KHDRBS2: variants seen among roughly 807,000 people sequenced by gnomAD.
KHDRBS2 encodes the protein KH RNA binding domain containing, signal transduction associated 2, also known as KH domain-containing, RNA-binding, signal transduction-associated protein 2.
Under a neutral mutation model 44.3 loss-of-function variants are expected in KHDRBS2, and 26 were observed. The observed-to-expected ratio is 0.59, with a 90% CI of 0.43 to 0.81. KHDRBS2 has a LOEUF of 0.81. Among genes scored for constraint, KHDRBS2 ranks in the 40% least tolerant of loss-of-function variants. The pLI is 0.00. For synonymous variants in KHDRBS2, 194 were observed against 151.1 expected (o/e 1.28, Z -2.08); for missense variants, 476 against 433.1 (o/e 1.10, Z -0.88).
intron 2 of KHDRBS2, among the ~76,000 whole-genome samples, chr6:62,093,970 T>C (rs911149694): frequency 1.3e-5 from 2 of 151,758 alleles, no homozygotes; most frequent in Non-Finnish European, 2.9e-5. Flanking sequence ...TTATTGTCAA[T>C]AGTGCTGCAA....
At chr6:61,543,784 A>G in the KHDRBS2 span, among the ~76,000 whole-genome samples, 1 of 152,112 alleles carries the variant, frequency 6.6e-6, no homozygotes, top group South Asian at 2.1e-4. Context: ...AAAGCATGAG[A>G]TCTTGTCGTT....
chr6:61,681,744 C>G (rs1453393960), intron 8 of KHDRBS2, among the ~76,000 whole-genome samples: 1 of 151,828 alleles, frequency 6.6e-6, no homozygotes, highest in Non-Finnish European at 1.5e-5. Flanking sequence ...TGGCTAGGTT[C>G]CAAAACATTG....
intron 6 of KHDRBS2, among the ~76,000 whole-genome samples, chr6:61,779,658 T>C (rs1782628538): frequency 9.4e-6 from 1 of 106,172 alleles, no homozygotes; most frequent in South Asian, 3.5e-4. Flanking sequence ...AATATGGCAC[T>C]GCAGAAATGA....
At chr6:61,817,600 G>T (rs370041268) in intron 6 of KHDRBS2, among the ~76,000 whole-genome samples, 26 of 152,180 alleles carry the variant, frequency 1.7e-4, no homozygotes, top group African/African-American at 5.1e-4. Context: ...ATTTTGGAGA[G>T]AATTTTTAGT....
chr6:61,958,266 A>G, intron 4 of KHDRBS2, among the ~76,000 whole-genome samples: 1 of 152,126 alleles, frequency 6.6e-6, no homozygotes, highest in East Asian at 1.9e-4. Context: ...TTTGCAGTCC[A>G]GTTAGTACAT....
At chr6:61,624,890 G>A in the KHDRBS2 span, among the ~76,000 whole-genome samples, 7 of 152,076 alleles carry the variant, frequency 4.6e-5, no homozygotes, top group African/African-American at 7.2e-5. Flanking sequence ...TCTGCAAAAG[G>A]GGCAAACTCT....
At chr6:62,113,003 A>T (rs551991311) in intron 2 of KHDRBS2, among the ~76,000 whole-genome samples, 116 of 152,148 alleles carry the variant, frequency 7.6e-4, no homozygotes, top group Middle Eastern at 3.4e-3. Context: ...CATTTTTTTT[A>T]AAAGTATCAT....
intron 2 of KHDRBS2, among the ~76,000 whole-genome samples, chr6:62,100,591 C>T (rs1421875761): frequency 4.6e-5 from 7 of 152,146 alleles, no homozygotes; most frequent in South Asian, 2.1e-4. Flanking sequence ...CAACCACTAC[C>T]GTTTTCAGTC....
chr6:62,035,822 C>T (rs1054917934), intron 3 of KHDRBS2, among the ~76,000 whole-genome samples: 41 of 151,934 alleles, frequency 2.7e-4, no homozygotes, highest in African/African-American at 7.5e-4. Flanking sequence ...AATGTAACAG[C>T]GTGGCTCTGG....
chr6:61,952,815 G>A (rs545965148), intron 4 of KHDRBS2, among the ~76,000 whole-genome samples: 3 of 151,818 alleles, frequency 2.0e-5, no homozygotes, highest in East Asian at 1.9e-4. Context: ...CAAAATAAAC[G>A]GGTAAAACAG....
chr6:62,095,119 G>A (rs184680379), intron 2 of KHDRBS2, among the ~76,000 whole-genome samples: 15 of 151,694 alleles, frequency 9.9e-5, no homozygotes, highest in Admixed American at 3.9e-4. Flanking sequence ...GTATTTTGAT[G>A]GAGATTGCAT....
chr6:62,109,154 G>C (rs1001500767), intron 2 of KHDRBS2, among the ~76,000 whole-genome samples: 2 of 151,020 alleles, frequency 1.3e-5, no homozygotes, highest in East Asian at 3.9e-4. Flanking sequence ...AGGGACGGTT[G>C]TCCTAGAAAT....
downstream of KHDRBS2, among the ~76,000 whole-genome samples, chr6:61,675,931 A>G (rs1183787246): frequency 1.3e-5 from 2 of 151,928 alleles, no homozygotes; most frequent in Non-Finnish European, 2.9e-5. Flanking sequence ...CTTAGGCTGC[A>G]CTATTATCTA....
intron 3 of KHDRBS2, among the ~76,000 whole-genome samples, chr6:62,017,371 G>A (rs1256085722): frequency 6.6e-6 from 1 of 152,098 alleles, no homozygotes; most frequent in South Asian, 2.1e-4. Context: ...AAATAGTAAT[G>A]ACAAACACAA....
intron 6 of KHDRBS2, among the ~76,000 whole-genome samples, chr6:61,813,227 A>C (rs1788393648): frequency 6.6e-6 from 1 of 152,140 alleles, no homozygotes; most frequent in Non-Finnish European, 1.5e-5. Context: ...ATCCAAGATG[A>C]GAAAGTTAGA....
intron 2 of KHDRBS2, among the ~76,000 whole-genome samples, chr6:62,140,713 C>T (rs12194234): frequency 0.067 from 10,208 of 152,146 alleles, 496 homozygotes; most frequent in South Asian, 0.13. Flanking sequence ...TACATGCGTG[C>T]CATGGATTAA....
intron 6 of KHDRBS2, among the ~76,000 whole-genome samples, chr6:61,832,557 TAAC>T (rs1415980526): frequency 1.3e-5 from 2 of 152,050 alleles, no homozygotes; most frequent in Non-Finnish European, 2.9e-5. Context: ...TGTAAATACT[TAAC>T]TAAAATGATT....
intron 1 of KHDRBS2, among the ~76,000 whole-genome samples, chr6:62,204,046 T>C (rs1827519307): frequency 6.6e-6 from 1 of 152,122 alleles, no homozygotes; most frequent in African/African-American, 2.4e-5. Context: ...CAGCTCCCCA[T>C]CCCCTTCCAC....
At chr6:61,808,276 C>T (rs1787497159) in intron 6 of KHDRBS2, among the ~76,000 whole-genome samples, 1 of 152,028 alleles carries the variant, frequency 6.6e-6, no homozygotes, top group African/African-American at 2.4e-5. Flanking sequence ...TACCCAGTTC[C>T]TATGTATGTC....
Sources: allele counts gnomAD v4.1 joint callset (sites outside exome capture counted in the v4.1 genomes callset), GRCh38; gene constraint gnomAD v4.1.1; transcripts MANE v1.5; gene names NCBI Gene and HGNC (gene_info 2026-07-23, HGNC 2026-07-21).